DNAJC28: variants seen among roughly 807,000 people sequenced by gnomAD.
The protein encoded by DNAJC28 is DnaJ heat shock protein family (Hsp40) member C28, also known as dnaJ homolog subfamily C member 28.
DNAJC28 carries 24 observed loss-of-function variants against 33.3 expected under a neutral mutation model. The observed-to-expected ratio is 0.72, with a 90% CI of 0.52 to 1.01. The LOEUF (loss-of-function observed/expected upper bound fraction) is 1.01. DNAJC28 is among the 50% of genes least tolerant of loss of function. The pLI is 0.00. For synonymous variants in DNAJC28, 120 were observed against 147.2 expected, an observed-to-expected ratio of 0.82 and a Z score of 1.34; for missense variants, 442 against 455.2, an observed-to-expected ratio of 0.97 and a Z score of 0.26.
At chr21:33,490,571 C>T (rs1483205326) in intron 1 of DNAJC28, among the ~76,000 whole-genome samples, 1 of 151,496 alleles carries the variant, frequency 6.6e-6, no homozygotes, top group Non-Finnish European at 1.5e-5. Flanking sequence ...GTCAGGAGTT[C>T]GAGATCAGCC....
In DNAJC28 at chr21:33,488,644, A is replaced by G. The variant is rs1037480425; in HGVS notation, c.750T>C (p.Asn250=). ...TAAGGATCCATTCTGGTTGGTATCC[A>G]TTATCGATCAGTATTCGGTTCAGGT... ...THNLNRILID[N]GYQPEWILKQ... Residue 250 remains asparagine (N), a synonymous_variant, in exon 2 of 2, where the codon AAT becomes AAC. Coordinates refer to ENST00000381947, the MANE Select transcript of DNAJC28 (RefSeq NM_001040192.3). 1.9e-6 allele frequency: 3 copies of G among 1,613,830 alleles called. No individual in the cohort carries two copies. Among genetic ancestry groups the G allele is most frequent in the Non-Finnish European group, 2.5e-6 (3 of 1,179,994 alleles).
Position 33,488,060 on chromosome 21 carries a change from A to G in DNAJC28, c.*167T>C. 1.9e-6 allele frequency: 1 copy of G among 528,506 alleles called. No individual in the cohort carries two copies. The allele number at this position is 528,506 out of a possible 1,614,324, so 32.7% of individuals were successfully genotyped here. On this transcript the variant is annotated 3_prime_UTR_variant, in exon 2 of 2. Transcript: ENST00000381947. ...TTCAGTTATTTTCTTTTCTTGCTATATCCTCAGGACAAACCTGATAGGTTT... is the reference window on the plus strand; with the variant it reads ...TTCAGTTATTTTCTTTTCTTGCTATGTCCTCAGGACAAACCTGATAGGTTT...
chr21:33,490,788 A>C (rs1377097244), intron 1 of DNAJC28, among the ~76,000 whole-genome samples: 1 of 152,106 alleles, frequency 6.6e-6, no homozygotes, highest in Non-Finnish European at 1.5e-5. Context: ...TAGAATCTGG[A>C]TTCTACCCCT....
chr21:33,488,595 T>C lies in DNAJC28; in HGVS notation c.799A>G (p.Ile267Val), dbSNP rs199590962. The change falls in exon 2 of 2, where the codon ATT becomes GTT. Residue 267 changes from isoleucine to valine, a missense_variant. Coordinates refer to ENST00000381947, the MANE Select transcript of DNAJC28 (RefSeq NM_001040192.3). ...AAAATTGCCTCTCTGAGTTGCTCAA[T>C]AGTATCGCTTATTTCCTTTTGCTTA... Reference protein sequence around the residue: ...ILKQKEISDTIEQLREAILVS... With the variant: ...ILKQKEISDTVEQLREAILVS... The C allele has an allele frequency of 4.3e-6, 7 of 1,614,062 alleles. No homozygotes were observed. Among genetic ancestry groups the C allele is most frequent in the Middle Eastern group, 1.6e-4 (1 of 6,062 alleles).
Position 33,488,125 on chromosome 21 carries a change from T to C in DNAJC28, c.*102A>G. 1.0e-6 allele frequency: 1 copy of C among 982,736 alleles called. No individual in the cohort carries two copies. Among genetic ancestry groups the C allele is most frequent in the Non-Finnish European group, 1.4e-6 (1 of 702,282 alleles). The allele number at this position is 982,736 out of a possible 1,614,324, so 60.9% of individuals were successfully genotyped here. On this transcript the variant is annotated 3_prime_UTR_variant, in exon 2 of 2. Coordinates refer to ENST00000381947, the MANE Select transcript of DNAJC28 (RefSeq NM_001040192.3). Reference sequence around the variant, plus strand: ...ATTGGCTATGTGATTAGTTTTGTGATAAGTACAATGGCACAATTCTTAAAT... The same window carrying C: ...ATTGGCTATGTGATTAGTTTTGTGACAAGTACAATGGCACAATTCTTAAAT...
In DNAJC28 at chr21:33,489,052, C is replaced by T; in HGVS notation, c.342G>A (p.Gln114=). The T allele has an allele frequency of 6.2e-7, 1 of 1,613,030 alleles. No individual in the cohort carries two copies. Among genetic ancestry groups the T allele is most frequent in the Non-Finnish European group, 8.5e-7 (1 of 1,179,802 alleles). ...SHVIEQTNAS[Q]SKGEEEEDVE... is the part of the protein sequence containing the mutation. ...CATCTTCTTCTTCTTCACCTTTACT[C>T]TGACTGGCATTTGTTTGTTCTATCA... The change falls in exon 2 of 2, where the codon CAG becomes CAA. Residue 114 remains glutamine (Q), a synonymous_variant. Transcript: ENST00000381947.
chr21:33,489,051 T>C lies in DNAJC28; in HGVS notation c.343A>G (p.Ser115Gly), dbSNP rs2084494621. 1.2e-6 allele frequency: 2 copies of C among 1,613,074 alleles called. No homozygotes were observed. The highest frequency in any genetic ancestry group is 2.2e-5 in the South Asian group (2 of 90,710). The change falls in exon 2 of 2, where the codon AGT (serine) becomes GGT (glycine). Residue 115 changes from serine to glycine, a missense_variant. Coordinates refer to ENST00000381947, the MANE Select transcript of DNAJC28 (RefSeq NM_001040192.3). Reference sequence around the variant, plus strand: ...ACATCTTCTTCTTCTTCACCTTTACTCTGACTGGCATTTGTTTGTTCTATC... The same window carrying C: ...ACATCTTCTTCTTCTTCACCTTTACCCTGACTGGCATTTGTTTGTTCTATC... ...HVIEQTNASQ[S>G]KGEEEEDVEK...
Position 33,488,660 on chromosome 21 carries a change from C to G in DNAJC28, c.734G>C (p.Arg245Pro). The G allele has an allele frequency of 6.2e-7, 1 of 1,613,182 alleles. No individual in the cohort carries two copies. Residue 245 changes from arginine (R) to proline (P), a missense_variant, in exon 2 of 2, where the codon CGA becomes CCA. Physicochemically the swap from Arg to Pro is moderately radical, Grantham distance 103. Transcript: ENST00000381947. ...YIDPMTHNLN[R>P]ILIDNGYQPE... ...TTGGTATCCATTATCGATCAGTATT[C>G]GGTTCAGGTTGTGAGTCATGGGATC...
chr21:33,488,611 C>T lies in DNAJC28; in HGVS notation c.783G>A (p.Lys261=), dbSNP rs907623229. Residue 261 remains lysine (K), a synonymous_variant, in exon 2 of 2, where the codon AAG becomes AAA. Coordinates refer to ENST00000381947, the MANE Select transcript of DNAJC28 (RefSeq NM_001040192.3). ...GTTGCTCAATAGTATCGCTTATTTC[C>T]TTTTGCTTAAGGATCCATTCTGGTT... ...GYQPEWILKQ[K]EISDTIEQLR... is the part of the protein sequence containing the mutation. The T allele has an allele frequency of 6.2e-7, 1 of 1,613,884 alleles. No individual in the cohort carries two copies. Among genetic ancestry groups the T allele is most frequent in the African/African-American group, 1.3e-5 (1 of 75,000 alleles).
intron 1 of DNAJC28, among the ~76,000 whole-genome samples, chr21:33,489,789 C>CTTTT (rs35360893): frequency 6.6e-5 from 8 of 120,514 alleles, no homozygotes; most frequent in African/African-American, 9.4e-5. Flanking sequence ...TGCGCTCAGC[C>CTTTT]TTTTTTTTTT....
In DNAJC28 at chr21:33,491,703, G is replaced by C. The variant is rs1477933777; in HGVS notation, c.-133C>G. 1 of 152,304 alleles carries C rather than the reference G, an allele frequency of 6.6e-6. No homozygotes were observed. The highest frequency in any genetic ancestry group is 2.4e-5 in the African/African-American group (1 of 41,466). The allele number at this position is 152,304 out of a possible 1,614,324, so 9.4% of individuals were successfully genotyped here. On this transcript the variant is annotated 5_prime_UTR_variant, in exon 1 of 2. Transcript: ENST00000381947. ...AGGGCACCTCGGGAGCCTTCGTCCC[G>C]ACCGGGGACCACCAGCTCCACCTCC...
At chr21:33,490,184 C>G (rs1335497734) in intron 1 of DNAJC28, among the ~76,000 whole-genome samples, 1 of 150,544 alleles carries the variant, frequency 6.6e-6, no homozygotes, top group Non-Finnish European at 1.5e-5. Flanking sequence ...TCTCGGCTCA[C>G]TGCAACCTCT....
Position 33,488,770 on chromosome 21 carries a change from A to G in DNAJC28, c.624T>C (p.Ile208=), listed in dbSNP as rs1336725528. Residue 208 remains isoleucine (I), a synonymous_variant, in exon 2 of 2, where the codon ATT becomes ATC. Coordinates refer to ENST00000381947, the MANE Select transcript of DNAJC28 (RefSeq NM_001040192.3). Reference sequence around the variant, plus strand: ...AGTCTCCTTTTGCCATGGATTCTTGAATGAGGTCCTCCACTAAACGTTCTA... The same window carrying G: ...AGTCTCCTTTTGCCATGGATTCTTGGATGAGGTCCTCCACTAAACGTTCTA... ...QAIERLVEDL[I]QESMAKGDFD... is the part of the protein sequence containing the mutation. 8.7e-6 allele frequency: 14 copies of G among 1,613,210 alleles called. No individual in the cohort carries two copies. Among genetic ancestry groups the G allele is most frequent in the African/African-American group, 2.7e-5 (2 of 74,832 alleles).
In DNAJC28 at chr21:33,488,823, T is replaced by G. The variant is rs1175404959; in HGVS notation, c.571A>C (p.Ser191Arg). The change falls in exon 2 of 2, where the codon AGC (serine) becomes CGC (arginine). Residue 191 changes from serine to arginine, a missense_variant. Coordinates refer to ENST00000381947, the MANE Select transcript of DNAJC28 (RefSeq NM_001040192.3). ...GCTTGCGTTATCTTTTGCTGTTTGC[T>G]CTGTCTTATATTTTTAACAATTACA... is the stretch of plus-strand genomic sequence containing the variant. ...DSVIVKNIRQ[S>R]KQQKITQAIE... is the part of the protein sequence containing the mutation. The G allele has an allele frequency of 6.2e-7, 1 of 1,612,974 alleles. No individual in the cohort carries two copies. Among genetic ancestry groups the G allele is most frequent in the Admixed American group, 1.7e-5 (1 of 59,792 alleles).
Position 33,488,073 on chromosome 21 carries a change from A to G in DNAJC28, c.*154T>C. On this transcript the variant is annotated 3_prime_UTR_variant, in exon 2 of 2. Coordinates refer to ENST00000381947, the MANE Select transcript of DNAJC28 (RefSeq NM_001040192.3). ...TTTTCTTGCTATATCCTCAGGACAA[A>G]CCTGATAGGTTTCTCACTCACACAT... 1.6e-6 allele frequency: 1 copy of G among 618,880 alleles called. No homozygotes were observed. Among genetic ancestry groups the G allele is most frequent in the South Asian group, 3.4e-5 (1 of 29,386 alleles). 38.3% of individuals were successfully genotyped at this position (618,880 alleles called of 1,614,324 possible).
chr21:33,488,255 C>T lies in DNAJC28; in HGVS notation c.1139G>A (p.Trp380Ter). 6 of 1,497,912 alleles carry T rather than the reference C, an allele frequency of 4.0e-6. No individual in the cohort carries two copies. The highest frequency in any genetic ancestry group is 2.4e-5 in the East Asian group (1 of 42,140). The allele number at this position is 1,497,912 out of a possible 1,614,324, so 92.8% of individuals were successfully genotyped here. A position where few individuals can be genotyped will look rare whatever the true frequency, so the allele number is the denominator to read the frequency against. Residue 380 changes from tryptophan to a stop codon, truncating the protein, a stop_gained, in exon 2 of 2, where the codon TGG becomes TAG. Coordinates refer to ENST00000381947, the MANE Select transcript of DNAJC28 (RefSeq NM_001040192.3). LOFTEE classifies it high-confidence loss of function. ...AAATGATCGTATTTTAATAAATTTC[C>T]ACAGATTCATCCAGTTTAAAAAACC... ...KKGFLNWMNL[W>*]KFIKIRSF
At chr21:33,491,553 T>G (rs1186289275) in intron 1 of DNAJC28, 49 bp downstream of exon 1, 1 of 152,612 alleles carries the variant, frequency 6.6e-6, no homozygotes, top group Non-Finnish European at 1.5e-5. Context: ...GCTAGACCAT[T>G]TGCCACTTTA....
Position 33,488,698 on chromosome 21 carries a change from G to C in DNAJC28, c.696C>G (p.Asp232Glu). 6.2e-7 allele frequency: 1 copy of C among 1,610,066 alleles called. No homozygotes were observed. Among genetic ancestry groups the C allele is most frequent in the Non-Finnish European group, 8.5e-7 (1 of 1,179,046 alleles). ...GKGKPLKKFS[D>E]CSYIDPMTHN... ...GAGTCATGGGATCAATGTAAGAACA[G>C]TCAGAAAACTTTTTCAGAGGTTTTC... The change falls in exon 2 of 2, where the codon GAC (aspartate) becomes GAG (glutamate). Residue 232 changes from aspartate (D) to glutamate (E), a missense_variant. By Grantham distance (45) the Asp-to-Glu change is conservative (BLOSUM62 2). Transcript: ENST00000381947.
chr21:33,489,994 T>C (rs766593444), intron 1 of DNAJC28, among the ~76,000 whole-genome samples: 3 of 151,578 alleles, frequency 2.0e-5, no homozygotes, highest in African/African-American at 4.8e-5. Context: ...GGTTTCGTCA[T>C]GTTGCCCACC....
Sources: allele counts gnomAD v4.1 joint callset (sites outside exome capture counted in the v4.1 genomes callset), GRCh38; gene constraint gnomAD v4.1.1; transcripts MANE v1.5; gene names NCBI Gene and HGNC (gene_info 2026-07-23, HGNC 2026-07-21).